Variants in NRP1 observed in about 807,000 individuals in gnomAD.
NRP1 encodes the protein neuropilin 1, also known as neuropilin-1.
In NRP1, 35 loss-of-function variants were observed where a neutral mutation model predicts 106.7. That is an observed-to-expected ratio of 0.33 (90% CI 0.25 to 0.43). The LOEUF is 0.43. Ranked by LOEUF, NRP1 falls within the 20% of genes least tolerant of loss-of-function variation. The probability of loss-of-function intolerance (pLI) is 1.00; values close to 1 mark genes in which losing one functional copy is unlikely to be tolerated. For synonymous variants in NRP1, 437 were observed against 417.9 expected, an observed-to-expected ratio of 1.05 and a Z score of -0.56; for missense variants, 1,024 against 1,170.4, an observed-to-expected ratio of 0.87 and a Z score of 1.83.
intron 2 of NRP1, among the ~76,000 whole-genome samples, chr10:33,313,228 C>T (rs1846738016): frequency 6.6e-6 from 1 of 152,120 alleles, no homozygotes; most frequent in Non-Finnish European, 1.5e-5. Context: ...TGAAAACTGA[C>T]ATAAAACATG....
chr10:33,314,534 G>T (rs557503309), intron 2 of NRP1, among the ~76,000 whole-genome samples: 1 of 152,332 alleles, frequency 6.6e-6, no homozygotes, highest in South Asian at 2.1e-4. Flanking sequence ...GAGCTAGTAA[G>T]AAAGATAAAA....
chr10:33,321,737 G>A (rs191149290), intron 2 of NRP1, among the ~76,000 whole-genome samples: 2 of 152,240 alleles, frequency 1.3e-5, no homozygotes, highest in East Asian at 1.9e-4. Flanking sequence ...ACTTGGAATC[G>A]TGACTATATT....
intron 6 of NRP1, among the ~76,000 whole-genome samples, chr10:33,244,827 G>A (rs1841299561): frequency 6.6e-6 from 1 of 152,108 alleles, no homozygotes; most frequent in Non-Finnish European, 1.5e-5. Context: ...ACGTTCATGT[G>A]TCAAAGAGCT....
At position 33,212,882 on chromosome 10, in the gene NRP1, T is replaced by A. The variant is rs930034586; in HGVS notation, c.1614+504A>T. 3 of 258,972 alleles carry A rather than the reference T, an allele frequency of 1.2e-5. No individual in the cohort carries two copies. In the Admixed American group the frequency reaches 1.5e-4, roughly 13 times the overall value. The allele number at this position is 258,972 out of a possible 1,614,324, so 16.0% of individuals were successfully genotyped here. ...GATGGGGTTTCACCGTGCTGTCCAG[T>A]CTGGTCTCGAACTCCTGAGCTCAGA... is the stretch of plus-strand genomic sequence containing the variant. On this transcript the variant is annotated intron_variant, in intron 9 of 16. Transcript: ENST00000374867.
chr10:33,310,167 T>A (rs1290353364), intron 2 of NRP1, among the ~76,000 whole-genome samples: 1 of 151,706 alleles, frequency 6.6e-6, no homozygotes, highest in East Asian at 1.9e-4. Flanking sequence ...ACCAGGATGG[T>A]CTTGATCTCC....
At chr10:33,296,832 C>A (rs550109536) in intron 2 of NRP1, among the ~76,000 whole-genome samples, 1 of 151,956 alleles carries the variant, frequency 6.6e-6, no homozygotes, top group Non-Finnish European at 1.5e-5. Context: ...AGTTCAAGAC[C>A]AGTATGGCCA....
chr10:33,236,190 T>C (rs946411422), intron 6 of NRP1, among the ~76,000 whole-genome samples: 1 of 152,234 alleles, frequency 6.6e-6, no homozygotes, highest in Non-Finnish European at 1.5e-5. Flanking sequence ...TGGCTAAGAT[T>C]TTAACTTAAA....
At chr10:33,245,639 G>C (rs1841363589) in intron 6 of NRP1, among the ~76,000 whole-genome samples, 1 of 152,196 alleles carries the variant, frequency 6.6e-6, no homozygotes, top group Non-Finnish European at 1.5e-5. Flanking sequence ...CAATGGAGTA[G>C]GAGCAGGGAT....
At chr10:33,297,419 C>T (rs1436209787) in intron 2 of NRP1, among the ~76,000 whole-genome samples, 1 of 152,172 alleles carries the variant, frequency 6.6e-6, no homozygotes, top group African/African-American at 2.4e-5. Flanking sequence ...GGAGCGGTGG[C>T]TCACGCCTCT....
At chr10:33,208,221 G>A (rs1008617950) in intron 9 of NRP1, among the ~76,000 whole-genome samples, 5 of 151,920 alleles carry the variant, frequency 3.3e-5, no homozygotes, top group South Asian at 2.1e-4. Context: ...CCACCACGCC[G>A]AGCTAATTTT....
At chr10:33,317,620 C>T (rs764080760) in intron 2 of NRP1, among the ~76,000 whole-genome samples, 4 of 152,182 alleles carry the variant, frequency 2.6e-5, no homozygotes, top group Non-Finnish European at 5.9e-5. Context: ...GGCTTGAATA[C>T]TGCTATTTAT....
At chr10:33,210,030 A>T (rs1182220937) in intron 9 of NRP1, among the ~76,000 whole-genome samples, 1 of 152,186 alleles carries the variant, frequency 6.6e-6, no homozygotes, top group Non-Finnish European at 1.5e-5. Context: ...AAAACAAAAC[A>T]GTGGAAGCAT....
In NRP1 at chr10:33,277,595, A is replaced by G. The variant is rs1843800573; in HGVS notation, c.249-6739T>C. On this transcript the variant is annotated intron_variant, in intron 2 of 16. Transcript: ENST00000374867. ...CCAGAGAATCCCTAGACCTTTCTAT[A>G]AGAAATAGAGAGGCTGGGCCACAAC... Among the ~76,000 whole-genome samples the G allele has an allele frequency of 2.6e-5, 4 of 152,352 alleles. No homozygotes were observed. The South Asian group carries it at 8.3e-4, about 32-fold the overall frequency.
chr10:33,229,441 G>A (rs767326023), intron 6 of NRP1, among the ~76,000 whole-genome samples: 24 of 152,134 alleles, frequency 1.6e-4, no homozygotes, highest in South Asian at 8.3e-4. Context: ...AAGCTGAAGG[G>A]TCCTTAAAAT....
chr10:33,293,569 A>G (rs1845157477), intron 2 of NRP1, among the ~76,000 whole-genome samples: 1 of 152,214 alleles, frequency 6.6e-6, no homozygotes, highest in Non-Finnish European at 1.5e-5. Context: ...GGGCTGCTAA[A>G]GGTCACACGA....
chr10:33,192,876 T>C (rs1265475492), intron 12 of NRP1, among the ~76,000 whole-genome samples: 3 of 152,222 alleles, frequency 2.0e-5, no homozygotes. Flanking sequence ...CTTGGCGAAA[T>C]GCCTCACCCA....
At chr10:33,316,038 A>T (rs1847009207) in intron 2 of NRP1, among the ~76,000 whole-genome samples, 1 of 152,176 alleles carries the variant, frequency 6.6e-6, no homozygotes, top group Non-Finnish European at 1.5e-5. Context: ...TCCCCTACTT[A>T]TTCTAGTTAA....
intron 6 of NRP1, among the ~76,000 whole-genome samples, chr10:33,245,231 G>A (rs975662768): frequency 3.3e-5 from 5 of 152,102 alleles, no homozygotes; most frequent in African/African-American, 7.2e-5. Flanking sequence ...GATCTTTTAC[G>A]CCAGCGGTTT....
intron 6 of NRP1, among the ~76,000 whole-genome samples, chr10:33,232,067 C>T (rs926519550): frequency 1.3e-5 from 2 of 152,098 alleles, no homozygotes; most frequent in Non-Finnish European, 2.9e-5. Flanking sequence ...CACTACCCAT[C>T]GTCTTGGTGG....
Sources: allele counts gnomAD v4.1 joint callset (sites outside exome capture counted in the v4.1 genomes callset), GRCh38; gene constraint gnomAD v4.1.1; transcripts MANE v1.5; gene names NCBI Gene and HGNC (gene_info 2026-07-23, HGNC 2026-07-21).